The following SSBP3 variants were observed in gnomAD, a reference collection of about 807,000 sequenced individuals.
SSBP3 encodes single stranded DNA binding protein 3.
Under a neutral mutation model 69.6 loss-of-function variants are expected in SSBP3, and 5 were observed. That is an observed-to-expected ratio of 0.07 (90% CI 0.04 to 0.15). The LOEUF (loss-of-function observed/expected upper bound fraction) is 0.15. Among genes scored for constraint, SSBP3 ranks in the 10% least tolerant of loss-of-function variants. SSBP3 has a pLI of 1.00. For missense variants in SSBP3, 312 were observed against 534.0 expected (o/e 0.58, Z 4.10); for synonymous variants, 196 against 193.4 (o/e 1.01, Z -0.11).
chr1:54,252,217 A>C (rs948369466), intron 7 of SSBP3, among the ~76,000 whole-genome samples: 1 of 152,186 alleles, frequency 6.6e-6, no homozygotes, highest in Non-Finnish European at 1.5e-5. Context: ...TTCCTCTCAG[A>C]GGCAGCAGTG....
At chr1:54,317,616 C>T (rs527286340) in intron 4 of SSBP3, among the ~76,000 whole-genome samples, 14 of 152,066 alleles carry the variant, frequency 9.2e-5, no homozygotes, top group Admixed American at 1.3e-4. Context: ...ACCTGGGCAG[C>T]CTTTTTTCCA....
intron 4 of SSBP3, among the ~76,000 whole-genome samples, chr1:54,284,650 G>C (rs1569610655): frequency 6.6e-6 from 1 of 150,736 alleles, no homozygotes. Flanking sequence ...AAAATTTTTT[G>C]TAGAGATTAG....
chr1:54,380,457 G>C (rs1257140764), intron 4 of SSBP3, among the ~76,000 whole-genome samples: 1 of 152,200 alleles, frequency 6.6e-6, no homozygotes, highest in African/African-American at 2.4e-5. Flanking sequence ...TGTCCTCGTG[G>C]AAAGAACGCC....
chr1:54,313,445 T>C (rs1646040729), intron 4 of SSBP3, among the ~76,000 whole-genome samples: 1 of 145,930 alleles, frequency 6.9e-6, no homozygotes, highest in Non-Finnish European at 1.5e-5. Flanking sequence ...CTTTTTTTTT[T>C]TTTTTTTTTT....
At chr1:54,336,924 C>A (rs1394559014) in intron 4 of SSBP3, among the ~76,000 whole-genome samples, 1 of 152,200 alleles carries the variant, frequency 6.6e-6, no homozygotes, top group African/African-American at 2.4e-5. Context: ...AACATCATGC[C>A]CAGGGTGTGA....
At chr1:54,369,456 G>A (rs1005509178) in intron 4 of SSBP3, among the ~76,000 whole-genome samples, 17 of 152,200 alleles carry the variant, frequency 1.1e-4, no homozygotes, top group Admixed American at 2.0e-4. Context: ...TATCCACGTG[G>A]AGGCTGACAG....
chr1:54,372,670 A>G (rs1299804374), intron 4 of SSBP3, among the ~76,000 whole-genome samples: 3 of 142,962 alleles, frequency 2.1e-5, no homozygotes, highest in African/African-American at 7.8e-5. Context: ...AAACCCACCC[A>G]CTGCAGGTTT....
Position 54,280,067 on chromosome 1 carries a change from C to T in SSBP3, c.366+1371G>A, listed in dbSNP as rs1007584695. 1.3e-3 allele frequency among the ~76,000 whole-genome samples: 193 copies of T among 152,288 alleles called. 3 individuals carry two copies. Among genetic ancestry groups the T allele is most frequent in the Non-Finnish European group, 8.8e-5 (6 of 68,026 alleles). ...AGATCCACATGTGGCCATCCAATGC[C>T]CCGGATGGCCATCCTGCATCCCTCT... On this transcript the variant is annotated intron_variant, in intron 5 of 17. Coordinates refer to ENST00000610401, the Ensembl canonical transcript of SSBP3.
chr1:54,247,590 G>A (rs1388587131), intron 9 of SSBP3, among the ~76,000 whole-genome samples: 2 of 152,184 alleles, frequency 1.3e-5, no homozygotes, highest in Admixed American at 6.5e-5. Context: ...ATTGTCCCAG[G>A]GGCTGTGGAT....
At chr1:54,295,520 C>A (rs1645689440) in intron 4 of SSBP3, among the ~76,000 whole-genome samples, 2 of 152,212 alleles carry the variant, frequency 1.3e-5, no homozygotes, top group Admixed American at 1.3e-4. Flanking sequence ...CAAGCCGACA[C>A]AGCACTGGAT....
intron 4 of SSBP3, among the ~76,000 whole-genome samples, chr1:54,335,077 T>G (rs1569851236): frequency 6.6e-6 from 1 of 152,214 alleles, no homozygotes; most frequent in South Asian, 2.1e-4. Context: ...CTCTCAGAAC[T>G]AAGGTGACAG....
At chr1:54,396,890 G>T (rs1283650827) in intron 4 of SSBP3, among the ~76,000 whole-genome samples, 1 of 152,130 alleles carries the variant, frequency 6.6e-6, no homozygotes, top group Admixed American at 6.5e-5. Flanking sequence ...CATTAAGGTG[G>T]CTGCACTGCT....
At chr1:54,250,908 C>T (rs1644817361) in intron 9 of SSBP3, among the ~76,000 whole-genome samples, 1 of 152,202 alleles carries the variant, frequency 6.6e-6, no homozygotes, top group Non-Finnish European at 1.5e-5. Flanking sequence ...GCAGAGCTGG[C>T]CACGAGGGGC....
At chr1:54,403,644 C>T (rs1366837537) in intron 3 of SSBP3, among the ~76,000 whole-genome samples, 1 of 152,212 alleles carries the variant, frequency 6.6e-6, no homozygotes, top group African/African-American at 2.4e-5. Context: ...AAAACAGTAA[C>T]CTGAGCTGGC....
In SSBP3 at chr1:54,336,144, T is replaced by G. The variant is rs1027484458; in HGVS notation, c.277-54617A>C. ...CACTCTGGATTCTTAGCCAGGGACT[T>G]CTGTACCTCTGATGGGCATAACTTC... On this transcript the variant is annotated intron_variant, in intron 4 of 17. Coordinates refer to ENST00000610401, the Ensembl canonical transcript of SSBP3. Among the ~76,000 whole-genome samples, 10 of 152,378 alleles carry G rather than the reference T, an allele frequency of 6.6e-5. 1 individual carries two copies. Among genetic ancestry groups the G allele is most frequent in the Admixed American group, 3.9e-4 (6 of 15,310 alleles).
At chr1:54,365,020 G>A (rs1647006856) in intron 4 of SSBP3, among the ~76,000 whole-genome samples, 1 of 152,190 alleles carries the variant, frequency 6.6e-6, no homozygotes, top group African/African-American at 2.4e-5. Context: ...CAGATGGAGA[G>A]GCCCCAGGCC....
At chr1:54,325,895 GAA>G (rs1203740471) in intron 4 of SSBP3, among the ~76,000 whole-genome samples, 3 of 152,106 alleles carry the variant, frequency 2.0e-5, no homozygotes, top group Non-Finnish European at 4.4e-5. Flanking sequence ...TAATCAAAGG[GAA>G]AATCCTGCTT....
chr1:54,357,543 C>A (rs1011685188), intron 4 of SSBP3, among the ~76,000 whole-genome samples: 4 of 152,162 alleles, frequency 2.6e-5, no homozygotes, highest in Non-Finnish European at 5.9e-5. Context: ...CCAGCCCCAC[C>A]ACCTCCACCT....
chr1:54,233,594 T>A (rs1436179425), intron 14 of SSBP3, among the ~76,000 whole-genome samples: 1 of 118,400 alleles, frequency 8.4e-6, no homozygotes. Context: ...GGTGGGGGGG[T>A]CAGCCCCCTG....
Sources: allele counts gnomAD v4.1 joint callset (sites outside exome capture counted in the v4.1 genomes callset), GRCh38; gene constraint gnomAD v4.1.1; transcripts MANE v1.5; gene names NCBI Gene and HGNC (gene_info 2026-07-23, HGNC 2026-07-21).